KAZN: variants seen among roughly 807,000 people sequenced by gnomAD.
KAZN encodes kazrin, periplakin interacting protein.
KAZN carries 40 observed loss-of-function variants against 87.4 expected under a neutral mutation model. That is an observed-to-expected ratio of 0.46 (90% CI 0.36 to 0.60). The LOEUF (loss-of-function observed/expected upper bound fraction) is 0.60. Among genes scored for constraint, KAZN ranks in the 20% least tolerant of loss-of-function variants. KAZN has a pLI of 0.00. For missense variants in KAZN, 898 were observed against 1,073.9 expected (o/e 0.84, Z 2.29); for synonymous variants, 466 against 458.3 (o/e 1.02, Z -0.22).
chr1:14,976,094 CCCGCACACTGCACAG>C (rs375291525), intron 2 of KAZN, among the ~76,000 whole-genome samples: 5 of 125,504 alleles, frequency 4.0e-5, no homozygotes, highest in African/African-American at 6.2e-5. Flanking sequence ...GCGCGGTGAG[CCCGCACACTGCACAG>C]CCGCACACTG....
intron 1 of KAZN, among the ~76,000 whole-genome samples, chr1:14,660,900 C>T (rs776554178): frequency 2.6e-5 from 4 of 152,170 alleles, no homozygotes; most frequent in African/African-American, 4.8e-5. Context: ...CCACTCTGCA[C>T]CTCTATCTAA....
chr1:14,296,880 G>A (rs1379810052), intron 2 of KAZN, among the ~76,000 whole-genome samples: 1 of 151,874 alleles, frequency 6.6e-6, no homozygotes. Context: ...ACCCACCTCG[G>A]CTTCCCAAAG....
In KAZN at chr1:15,117,586, G is replaced by A. The variant is rs962646919; in HGVS notation, c.*2951G>A. 2 of 152,422 alleles carry A rather than the reference G, an allele frequency of 1.3e-5. No individual in the cohort carries two copies. The highest frequency in any genetic ancestry group is 3.9e-4 in the East Asian group (2 of 5,186). 9.4% of individuals were successfully genotyped at this position (152,422 alleles called of 1,614,324 possible). A position where few individuals can be genotyped will look rare whatever the true frequency, so the allele number is the denominator to read the frequency against. ...CCAGCGTGGAGGGCCCCAGGACAGG[G>A]ACCCAAAAGCTTGACGTCACTGAAC... On this transcript the variant is annotated 3_prime_UTR_variant, in exon 15 of 15. Coordinates refer to ENST00000376030, the MANE Select transcript of KAZN (RefSeq NM_201628.3).
intron 2 of KAZN, among the ~76,000 whole-genome samples, chr1:15,023,458 G>T (rs1484629374): frequency 1.3e-5 from 2 of 152,140 alleles, no homozygotes; most frequent in African/African-American, 4.8e-5. Flanking sequence ...CAGGCAGAGG[G>T]AACAGCTCAT....
intron 1 of KAZN, among the ~76,000 whole-genome samples, chr1:14,070,180 A>AAAAAAAAAAAAAAAAG (rs1643192091): frequency 6.9e-6 from 1 of 145,628 alleles, no homozygotes; most frequent in East Asian, 2.1e-4. Context: ...AAAAAAAAAA[A>AAAAAAAAAAAAAAAAG]GTAAATAAAT....
chr1:14,425,881 C>T (rs566952096), intron 2 of KAZN, among the ~76,000 whole-genome samples: 6 of 152,316 alleles, frequency 3.9e-5, no homozygotes, highest in South Asian at 2.1e-4. Flanking sequence ...TTGTCTGATT[C>T]GAGAGCCCAG....
chr1:14,001,656 A>G (rs1639797521), intron 1 of KAZN, among the ~76,000 whole-genome samples: 2 of 152,204 alleles, frequency 1.3e-5, no homozygotes, highest in Admixed American at 1.3e-4. Flanking sequence ...CAAAACAGAC[A>G]TATAGACCAA....
At chr1:14,553,184 G>C (rs1375346827) in intron 2 of KAZN, among the ~76,000 whole-genome samples, 2 of 152,092 alleles carry the variant, frequency 1.3e-5, no homozygotes, top group Non-Finnish European at 2.9e-5. Flanking sequence ...AGACCAGCCT[G>C]GCCAACATAG....
chr1:14,089,635 C>T (rs982002716), intron 1 of KAZN, among the ~76,000 whole-genome samples: 2 of 152,096 alleles, frequency 1.3e-5, no homozygotes, highest in African/African-American at 4.8e-5. Context: ...CTCCACAGTA[C>T]GTTATAGTTA....
At position 15,056,213 on chromosome 1, in the gene KAZN, C is replaced by T. The variant is rs148914185; in HGVS notation, c.849C>T (p.Thr283=). 39 of 1,614,072 alleles carry T rather than the reference C, an allele frequency of 2.4e-5. No individual in the cohort carries two copies. The highest frequency in any genetic ancestry group is 1.7e-4 in the African/African-American group (13 of 75,062). ...TGGTGCAGGCGGACCTCCCGCTGAC[C>T]GCAGCCATCCGGCAGAGTCAACAGA... is the stretch of plus-strand genomic sequence containing the variant. ...EWVVQADLPL[T]AAIRQSQQTL... The change falls in exon 5 of 15, where the codon ACC becomes ACT. Residue 283 remains threonine, a synonymous_variant. Coordinates refer to ENST00000376030, the MANE Select transcript of KAZN (RefSeq NM_201628.3). This position sits in a 1 kb window ranked among gnomAD's most constrained non-coding sequence, Gnocchi z 5.4.
rs1318160436 is a variant in KAZN, at chr1:14,738,206, G to C, written c.226+138983G>C. Among the ~76,000 whole-genome samples the C allele has an allele frequency of 3.3e-5, 5 of 152,146 alleles. No individual in the cohort carries two copies. In the South Asian group the frequency reaches 1.0e-3, roughly 32 times the overall value. On this transcript the variant is annotated intron_variant, in intron 1 of 14. Transcript: ENST00000376030. ...CACAGGCTCTAGTAGATCTCAGCTAGAGAATCCCAAGACTGTGATGGGATG... is the reference window on the plus strand; with the variant it reads ...CACAGGCTCTAGTAGATCTCAGCTACAGAATCCCAAGACTGTGATGGGATG...
chr1:15,062,212 C>T (rs986133235), intron 6 of KAZN: 3 of 152,418 alleles, frequency 2.0e-5, no homozygotes, highest in Non-Finnish European at 2.9e-5. Flanking sequence ...TTGGCACATT[C>T]CTGCTGCCAG....
At chr1:14,791,024 C>T (rs563494337) in intron 1 of KAZN, among the ~76,000 whole-genome samples, 1 of 152,266 alleles carries the variant, frequency 6.6e-6, no homozygotes, top group East Asian at 1.9e-4. Flanking sequence ...AGGCTGGATT[C>T]CATTTGCTGC....
In KAZN at chr1:14,721,158, G is replaced by A. The variant is rs150172069; in HGVS notation, c.226+121935G>A. 4.6e-3 allele frequency among the ~76,000 whole-genome samples: 708 copies of A among 152,286 alleles called. 3 individuals carry two copies. The highest frequency in any genetic ancestry group is 0.016 in the East Asian group (84 of 5,184). ...TTGGCAGTGTCCCCACCTAAATCTC[G>A]TCTTGAATTGTGGTTCCCATAATCC... On this transcript the variant is annotated intron_variant, in intron 1 of 14. Coordinates refer to ENST00000376030, the MANE Select transcript of KAZN (RefSeq NM_201628.3).
intron 1 of KAZN, among the ~76,000 whole-genome samples, chr1:14,909,192 G>T (rs1387248575): frequency 6.6e-6 from 1 of 152,110 alleles, no homozygotes; most frequent in South Asian, 2.1e-4. Flanking sequence ...TATCCCATAG[G>T]GTTTGGCGGC....
chr1:14,497,064 T>C (rs1669980655), intron 2 of KAZN, among the ~76,000 whole-genome samples: 1 of 152,154 alleles, frequency 6.6e-6, no homozygotes, highest in Non-Finnish European at 1.5e-5. Context: ...AGATTCAATC[T>C]ACTGGTATTG....
At chr1:14,451,212 C>A (rs374458743) in intron 2 of KAZN, among the ~76,000 whole-genome samples, 11 of 152,184 alleles carry the variant, frequency 7.2e-5, no homozygotes, top group African/African-American at 2.7e-4. Context: ...CAAGAATGGC[C>A]TAACACAGTT....
chr1:14,578,683 C>T (rs1429428038), intron 2 of KAZN, among the ~76,000 whole-genome samples: 1 of 152,124 alleles, frequency 6.6e-6, no homozygotes, highest in African/African-American at 2.4e-5. Flanking sequence ...TGGGTCCATT[C>T]ATATACAAGT....
chr1:15,020,572 G>A (rs1267076760), intron 2 of KAZN, among the ~76,000 whole-genome samples: 5 of 152,058 alleles, frequency 3.3e-5, no homozygotes, highest in Admixed American at 2.0e-4. Flanking sequence ...CACTCGGTCC[G>A]TGTGGCTCTT....
Sources: allele counts gnomAD v4.1 joint callset (sites outside exome capture counted in the v4.1 genomes callset), GRCh38; gene constraint gnomAD v4.1.1; non-coding constraint Gnocchi (gnomAD v3.1); transcripts MANE v1.5; gene names NCBI Gene and HGNC (gene_info 2026-07-23, HGNC 2026-07-21).